Variants in BAIAP2 observed in about 807,000 individuals in gnomAD.
The protein encoded by BAIAP2 is BAR/IMD domain containing adaptor protein 2, also known as BAR/IMD domain-containing adapter protein 2.
A neutral mutation model predicts 63.0 loss-of-function variants in BAIAP2; 18 were observed. The observed-to-expected ratio is 0.29, with a 90% CI of 0.20 to 0.42. The LOEUF is 0.42. Among genes scored for constraint, BAIAP2 ranks in the 10% least tolerant of loss-of-function variants. The probability of loss-of-function intolerance (pLI) is 1.00; values close to 1 mark genes in which losing one functional copy is unlikely to be tolerated. For synonymous variants in BAIAP2, 386 were observed against 307.6 expected (o/e 1.25, Z -2.67); for missense variants, 610 against 734.3 (o/e 0.83, Z 1.96).
At chr17:81,037,227 C>T (rs561032115) in intron 1 of BAIAP2, among the ~76,000 whole-genome samples, 1 of 152,224 alleles carries the variant, frequency 6.6e-6, no homozygotes, top group Non-Finnish European at 1.5e-5. Context: ...GTGATTTTCC[C>T]AAGTGAAGAT....
chr17:81,080,097 G>T (rs1168707547), intron 3 of BAIAP2, among the ~76,000 whole-genome samples: 1 of 152,214 alleles, frequency 6.6e-6, no homozygotes, highest in East Asian at 1.9e-4. Context: ...GGAACTCACT[G>T]CCCCTACCGG....
chr17:81,109,532 T>G, intron 13 of BAIAP2: 1 of 985,510 alleles, frequency 1.0e-6, no homozygotes, highest in Non-Finnish European at 1.2e-6. Context: ...GGGAAGGTGC[T>G]GGGGTCCCTG....
intron 2 of BAIAP2, among the ~76,000 whole-genome samples, chr17:81,056,640 T>C (rs886758113): frequency 6.6e-6 from 1 of 152,208 alleles, no homozygotes; most frequent in African/African-American, 2.4e-5. Context: ...GCCTTTCCGC[T>C]CCTGTTTGGT....
intron 12 of BAIAP2, chr17:81,107,978 T>C: frequency 5.9e-6 from 1 of 169,618 alleles, no homozygotes; most frequent in Non-Finnish European, 1.3e-5. Flanking sequence ...GCGCCACACC[T>C]GGGCGCTCCT....
chr17:81,066,513 C>T (rs1350802402), intron 3 of BAIAP2, among the ~76,000 whole-genome samples: 4 of 152,216 alleles, frequency 2.6e-5, no homozygotes, highest in South Asian at 2.1e-4. Flanking sequence ...GGGGCCCCCA[C>T]AGGTCAGGTG....
intron 6 of BAIAP2, among the ~76,000 whole-genome samples, chr17:81,099,507 G>A (rs796547578): frequency 1.3e-5 from 2 of 152,256 alleles, no homozygotes; most frequent in African/African-American, 4.8e-5. Flanking sequence ...AGGCAACAGG[G>A]GGAAGGACCA....
intron 11 of BAIAP2, among the ~76,000 whole-genome samples, chr17:81,106,465 C>T (rs954426904): frequency 2.0e-5 from 3 of 152,196 alleles, no homozygotes. Flanking sequence ...TTCAGAGAAT[C>T]GCAGCTGAAA....
rs367729049 is a variant in BAIAP2, at chr17:81,051,019, A to C, written c.55-2649A>C. Among the ~76,000 whole-genome samples, 9 of 151,418 alleles carry C rather than the reference A, an allele frequency of 5.9e-5. No homozygotes were observed. The East Asian group carries it at 7.9e-4, about 13-fold the overall frequency. On this transcript the variant is annotated intron_variant, in intron 1 of 13. Coordinates refer to ENST00000428708, the MANE Select transcript of BAIAP2 (RefSeq NM_001144888.2). ...CCTCTCTGCTGGTAACTCTTCAGGCATTGTCTCTGGCTCACGTTCTCCTGG... is the reference window on the plus strand; with the variant it reads ...CCTCTCTGCTGGTAACTCTTCAGGCCTTGTCTCTGGCTCACGTTCTCCTGG...
At chr17:81,069,404 CAGGG>C (rs1465897293) in intron 3 of BAIAP2, among the ~76,000 whole-genome samples, 1 of 152,060 alleles carries the variant, frequency 6.6e-6, no homozygotes, top group Non-Finnish European at 1.5e-5. Context: ...GGAGGGGTGA[CAGGG>C]AGAGTGGCCC....
intron 13 of BAIAP2, among the ~76,000 whole-genome samples, chr17:81,113,236 C>T (rs7503580): frequency 0.13 from 19,797 of 152,172 alleles, 1,485 homozygotes; most frequent in South Asian, 0.21. Flanking sequence ...CAGGGTCCTC[C>T]GCTCTTGGAC....
chr17:81,053,822 G>A (rs2049049182), intron 2 of BAIAP2, 79 bp downstream of exon 2: 3 of 1,408,320 alleles, frequency 2.1e-6, no homozygotes, highest in Non-Finnish European at 3.0e-6. Flanking sequence ...CGTGGGGTGG[G>A]AGCTGCCTCC....
intron 12 of BAIAP2, 69 bp downstream of exon 12, chr17:81,106,976 G>C: frequency 6.9e-7 from 1 of 1,445,230 alleles, no homozygotes. Flanking sequence ...GCAGTCCCCC[G>C]TTGGAGCCTC....
chr17:81,110,067 C>G (rs2059720742), intron 13 of BAIAP2: 1 of 985,356 alleles, frequency 1.0e-6, no homozygotes, highest in African/African-American at 1.7e-5. Context: ...TGTCTCTTCC[C>G]ACACTGAACT....
In BAIAP2 at chr17:81,116,600, T is replaced by A. The variant is rs1377901011; in HGVS notation, c.*761T>A. On this transcript the variant is annotated 3_prime_UTR_variant, in exon 14 of 14. Transcript: ENST00000428708. ...AGAGTGCCCGCTGGCAGGTGGGGGC[T>A]TCCCCGCTTCCGGGGTCTGCCCCAG... 1 of 443,848 alleles carries A rather than the reference T, an allele frequency of 2.3e-6. No homozygotes were observed. Among genetic ancestry groups the A allele is most frequent in the African/African-American group, 2.0e-5 (1 of 50,638 alleles). 27.5% of individuals were successfully genotyped at this position (443,848 alleles called of 1,614,324 possible).
intron 3 of BAIAP2, among the ~76,000 whole-genome samples, chr17:81,082,022 G>A (rs1454234761): frequency 6.6e-6 from 1 of 152,052 alleles, no homozygotes; most frequent in Non-Finnish European, 1.5e-5. Flanking sequence ...GTGTGGCAGG[G>A]CCTGGGCTCT....
Position 81,098,052 on chromosome 17 carries a change from A to G in BAIAP2, c.490-1876A>G, listed in dbSNP as rs553386917. The G allele has an allele frequency of 5.9e-5, 72 of 1,217,582 alleles. 1 individual carries two copies. In the South Asian group the frequency reaches 2.1e-3, roughly 36 times the overall value. 75.4% of individuals were successfully genotyped at this position (1,217,582 alleles called of 1,614,324 possible). A position where few individuals can be genotyped will look rare whatever the true frequency, so the allele number is the denominator to read the frequency against. ...GGGCTGTGGTGTCACGCGCTACCCC[A>G]GACCTCAGGCACATGATCCCCAGGC... On this transcript the variant is annotated intron_variant, in intron 6 of 13. Coordinates refer to ENST00000428708, the MANE Select transcript of BAIAP2 (RefSeq NM_001144888.2).
chr17:81,083,988 C>T (rs745921057), intron 3 of BAIAP2: 1 of 152,252 alleles, frequency 6.6e-6, no homozygotes, highest in Non-Finnish European at 1.5e-5. Flanking sequence ...GACACCTGCG[C>T]CCCTGGGGCT....
intron 3 of BAIAP2, among the ~76,000 whole-genome samples, chr17:81,063,136 G>A (rs1598593129): frequency 6.6e-6 from 1 of 152,274 alleles, no homozygotes. Context: ...GAGGGGCAAA[G>A]GGTGTGTCCA....
In BAIAP2 at chr17:81,055,286, TTC is replaced by T. The variant is rs1382268215; in HGVS notation, c.130+1546_130+1547del. Among the ~76,000 whole-genome samples the T allele has an allele frequency of 1.4e-4, 15 of 105,280 alleles. No homozygotes were observed. In the South Asian group the frequency reaches 3.9e-3, roughly 28 times the overall value. 69.1% of individuals were successfully genotyped at this position (105,280 alleles called of 152,430 possible). On this transcript the variant is annotated intron_variant, in intron 2 of 13. Transcript: ENST00000428708. ...AGGCCTGTCCCTGGCACTGCCCTCC[TTC>T]TCAGCTCCCCAGGTGGACCAGTTGT...
Sources: allele counts gnomAD v4.1 joint callset (sites outside exome capture counted in the v4.1 genomes callset), GRCh38; gene constraint gnomAD v4.1.1; transcripts MANE v1.5; gene names NCBI Gene and HGNC (gene_info 2026-07-23, HGNC 2026-07-21).